The following DOCK4 variants were observed in gnomAD, a reference collection of about 807,000 sequenced individuals.
DOCK4 encodes dedicator of cytokinesis protein 4.
In DOCK4, 97 loss-of-function variants were observed where a neutral mutation model predicts 268.1. The ratio of observed to expected loss-of-function variants is 0.36; its 90% CI spans 0.31 to 0.43. The LOEUF (loss-of-function observed/expected upper bound fraction) is 0.43, where lower values mean the gene tolerates loss of function less well. DOCK4 is among the 20% of genes least tolerant of loss of function. DOCK4 has a pLI of 1.00. For missense variants in DOCK4, 2,145 were observed against 2,455.7 expected, an observed-to-expected ratio of 0.87 and a Z score of 2.67; for synonymous variants, 954 against 887.2, an observed-to-expected ratio of 1.08 and a Z score of -1.34.
At chr7:112,080,639 A>G (rs2135714840) in intron 1 of DOCK4, among the ~76,000 whole-genome samples, 1 of 152,302 alleles carries the variant, frequency 6.6e-6, no homozygotes, top group African/African-American at 2.4e-5. Flanking sequence ...ATCACTTCCC[A>G]TTTGGCTAAA....
At position 111,834,643 on chromosome 7, in the gene DOCK4, G is replaced by T; in HGVS notation, c.2780C>A (p.Thr927Lys). The change falls in exon 26 of 53, where the codon ACA (threonine) becomes AAA (lysine). Residue 927 changes from threonine to lysine, a missense_variant. This residue lies in a region of DOCK4 where 1,598 missense variants were observed against 1,986.7 expected (regional missense o/e 0.80). Transcript: ENST00000428084. ...ACLLSLLRQM[T>K]DRHYQQLLDS... Reference sequence around the variant, plus strand: ...AAGAAGCTGTTGATAATGTCTATCTGTCATTTGTCGTAATAGGGACAGGAG... The same window carrying T: ...AAGAAGCTGTTGATAATGTCTATCTTTCATTTGTCGTAATAGGGACAGGAG... 6.4e-7 allele frequency: 1 copy of T among 1,555,036 alleles called. No homozygotes were observed. The highest frequency in any genetic ancestry group is 8.7e-7 in the Non-Finnish European group (1 of 1,149,130).
chr7:112,114,471 T>C (rs1811945138), intron 1 of DOCK4, among the ~76,000 whole-genome samples: 1 of 152,214 alleles, frequency 6.6e-6, no homozygotes, highest in African/African-American at 2.4e-5. Context: ...CAAAAAAATG[T>C]CTGTCAAACA....
intron 1 of DOCK4, among the ~76,000 whole-genome samples, chr7:112,056,896 A>AT (rs1805863666): frequency 6.6e-6 from 1 of 152,172 alleles, no homozygotes; most frequent in Admixed American, 6.5e-5. Flanking sequence ...AAACTTTTTA[A>AT]TATATAGTTT....
At chr7:111,937,531 C>T (rs1794842345) in intron 11 of DOCK4, among the ~76,000 whole-genome samples, 1 of 152,198 alleles carries the variant, frequency 6.6e-6, no homozygotes. Context: ...TCTTATTCCG[C>T]TGGCTGCCTC....
intron 11 of DOCK4, among the ~76,000 whole-genome samples, chr7:111,939,325 C>T (rs551671556): frequency 6.6e-6 from 1 of 151,878 alleles, no homozygotes; most frequent in East Asian, 1.9e-4. Context: ...ACCAGCCTGG[C>T]TAACACGGTG....
At chr7:112,182,899 T>A (rs565723175) in intron 1 of DOCK4, among the ~76,000 whole-genome samples, 69 of 152,322 alleles carry the variant, frequency 4.5e-4, no homozygotes, top group African/African-American at 1.6e-3. Flanking sequence ...CTTGTTCAAA[T>A]GTGCAAAAGG....
chr7:112,064,729 T>A (rs1806764424), intron 1 of DOCK4, among the ~76,000 whole-genome samples: 1 of 152,170 alleles, frequency 6.6e-6, no homozygotes, highest in South Asian at 2.1e-4. Context: ...TACCTCAGAA[T>A]GTGACTATAT....
chr7:111,823,993 A>G (rs1802208720), intron 26 of DOCK4, among the ~76,000 whole-genome samples: 1 of 152,220 alleles, frequency 6.6e-6, no homozygotes, highest in Non-Finnish European at 1.5e-5. Context: ...AACTTATTTT[A>G]GCTTCTTTGG....
chr7:111,874,298 C>G (rs372160035), intron 17 of DOCK4, among the ~76,000 whole-genome samples: 15 of 152,042 alleles, frequency 9.9e-5, no homozygotes, highest in South Asian at 8.3e-4. Context: ...GGACCCTGCT[C>G]AATGTGAGGA....
intron 26 of DOCK4, among the ~76,000 whole-genome samples, chr7:111,829,186 C>T (rs760503881): frequency 1.2e-4 from 19 of 152,258 alleles, no homozygotes; most frequent in Admixed American, 5.9e-4. Context: ...TTAATCTGGC[C>T]TTTCTCAGAT....
intron 13 of DOCK4, among the ~76,000 whole-genome samples, chr7:111,907,903 A>AT (rs1438558722): frequency 6.6e-6 from 1 of 151,884 alleles, no homozygotes; most frequent in Non-Finnish European, 1.5e-5. Flanking sequence ...TAATTTTTGT[A>AT]TTTTTTGTAA....
intron 1 of DOCK4, among the ~76,000 whole-genome samples, chr7:112,012,855 T>C (rs899603939): frequency 3.9e-5 from 6 of 152,262 alleles, no homozygotes; most frequent in Admixed American, 2.0e-4. Context: ...ATTTCTCTCT[T>C]TGAATACTAA....
chr7:111,993,844 G>A (rs1562970153), intron 5 of DOCK4, among the ~76,000 whole-genome samples: 1 of 152,006 alleles, frequency 6.6e-6, no homozygotes, highest in East Asian at 1.9e-4. Flanking sequence ...ATTTTTCCCT[G>A]GAAATTAAAA....
rs572520356 is a variant in DOCK4 at position 112,010,554 on chromosome 7, G to C, written c.38-6423C>G. 3.3e-5 allele frequency among the ~76,000 whole-genome samples: 5 copies of C among 152,292 alleles called. No homozygotes were observed. The East Asian group carries it at 9.7e-4, about 29-fold the overall frequency. ...ATGGTTCAAATGAACTCACTGGGAA[G>C]AATAGAGAAATGCTGTGTTCCATCT... On this transcript the variant is annotated intron_variant, in intron 1 of 52. Coordinates refer to ENST00000428084, the MANE Select transcript of DOCK4 (RefSeq NM_001363540.2).
At chr7:111,956,489 A>G (rs978765648) in intron 8 of DOCK4, among the ~76,000 whole-genome samples, 3 of 152,170 alleles carry the variant, frequency 2.0e-5, no homozygotes, top group African/African-American at 7.2e-5. Context: ...CACTCTGCCA[A>G]AGGGAAGAAG....
At chr7:112,055,019 T>C (rs1164955456) in intron 1 of DOCK4, among the ~76,000 whole-genome samples, 1 of 152,244 alleles carries the variant, frequency 6.6e-6, no homozygotes, top group East Asian at 1.9e-4. Flanking sequence ...GTACAGTCCA[T>C]GTATTTCTAC....
chr7:111,848,044 C>T (rs535708512), intron 23 of DOCK4, among the ~76,000 whole-genome samples: 77 of 152,250 alleles, frequency 5.1e-4, no homozygotes, highest in African/African-American at 1.6e-3. Flanking sequence ...TGTAACTCGC[C>T]TTGACCCTTT....
intron 11 of DOCK4, among the ~76,000 whole-genome samples, chr7:111,938,735 A>C (rs868474348): frequency 6.6e-6 from 1 of 152,174 alleles, no homozygotes; most frequent in Admixed American, 6.5e-5. Flanking sequence ...CCTTATTTGA[A>C]AGAGCGTCTT....
At chr7:111,763,326 A>C (rs545056736) in intron 39 of DOCK4, among the ~76,000 whole-genome samples, 74 of 152,296 alleles carry the variant, frequency 4.9e-4, no homozygotes, top group Non-Finnish European at 1.5e-4. Flanking sequence ...TTCCTTAAAA[A>C]AAAGGTCAGG....
Sources: allele counts gnomAD v4.1 joint callset (sites outside exome capture counted in the v4.1 genomes callset), GRCh38; gene constraint gnomAD v4.1.1; regional missense constraint gnomAD v4.1.1; transcripts MANE v1.5; gene names NCBI Gene and HGNC (gene_info 2026-07-23, HGNC 2026-07-21).